The following ABR variants were observed in gnomAD, a reference collection of about 807,000 sequenced individuals.
The protein encoded by ABR is active breakpoint cluster region-related protein.
In ABR, 35 loss-of-function variants were observed where a neutral mutation model predicts 107.2. The ratio of observed to expected loss-of-function variants is 0.33; its 90% confidence interval spans 0.25 to 0.43. The LOEUF is 0.43. Ranked by LOEUF, ABR falls within the 20% of genes least tolerant of loss-of-function variation. ABR has a pLI of 1.00. For missense variants in ABR, 815 were observed against 1,115.2 expected (o/e 0.73, Z 3.83); for synonymous variants, 498 against 462.0 (o/e 1.08, Z -1.00).
intron 16 of ABR, among the ~76,000 whole-genome samples, chr17:1,044,775 C>G (rs1368906465): frequency 1.3e-5 from 2 of 152,182 alleles, no homozygotes; most frequent in African/African-American, 4.8e-5. Flanking sequence ...TTCCTGGGAC[C>G]CTCCCTTCAC....
At chr17:1,090,369 G>C (rs1316891234) in intron 4 of ABR, among the ~76,000 whole-genome samples, 1 of 152,038 alleles carries the variant, frequency 6.6e-6, no homozygotes. Context: ...CGAGGTTTCA[G>C]TGACTCTCTC....
intron 1 of ABR, among the ~76,000 whole-genome samples, chr17:1,146,724 A>C (rs922374219): frequency 7.0e-6 from 1 of 143,268 alleles, no homozygotes; most frequent in African/African-American, 2.7e-5. Context: ...CACTACTGCC[A>C]CCATTGCCAC....
At chr17:1,143,246 A>G (rs367814298) in intron 1 of ABR, among the ~76,000 whole-genome samples, 765 of 12,910 alleles carry the variant, frequency 0.059, 235 homozygotes, top group Non-Finnish European at 0.089. Flanking sequence ...CTCCTGGGGG[A>G]CAGCTCATTC....
chr17:1,180,874 C>T (rs561557730), upstream of ABR, among the ~76,000 whole-genome samples: 3 of 152,290 alleles, frequency 2.0e-5, no homozygotes, highest in Non-Finnish European at 2.9e-5. Context: ...CCTCTTTGGG[C>T]CAAGCGACCC....
At chr17:1,044,202 G>A (rs1597511219) in intron 16 of ABR, among the ~76,000 whole-genome samples, 1 of 152,134 alleles carries the variant, frequency 6.6e-6, no homozygotes, top group Non-Finnish European at 1.5e-5. Flanking sequence ...CCGGTGGAGG[G>A]GGGGCTCCCA....
At chr17:1,106,576 C>A (rs2038266496) in intron 2 of ABR, among the ~76,000 whole-genome samples, 1 of 136,078 alleles carries the variant, frequency 7.3e-6, no homozygotes, top group Non-Finnish European at 1.5e-5. Context: ...GTCGCCCAGG[C>A]TGGAATGCAG....
intron 5 of ABR, 71 bp from the exon 6 acceptor site, chr17:1,079,461 G>A: frequency 7.1e-7 from 1 of 1,406,118 alleles, no homozygotes; most frequent in Non-Finnish European, 9.9e-7. Flanking sequence ...TGTGAGCCTG[G>A]CAAGAAGGGG....
At chr17:1,025,594 C>T (rs1325012342) in intron 16 of ABR, among the ~76,000 whole-genome samples, 3 of 152,192 alleles carry the variant, frequency 2.0e-5, no homozygotes, top group Admixed American at 1.3e-4. Context: ...ACACCTGCCT[C>T]GGGGTGTGGA....
chr17:1,057,667 GTGTGTGTGTGTGTGTGTC>G (rs2033484183), intron 12 of ABR, among the ~76,000 whole-genome samples: 1 of 17,284 alleles, frequency 5.8e-5, no homozygotes, highest in Admixed American at 4.8e-4. Flanking sequence ...ATGTGTGTGT[GTGTGTGTGTGTGTGTGTC>G]TCTGTGTGTG....
At chr17:1,038,614 C>CAG (rs1365117834) in intron 16 of ABR, among the ~76,000 whole-genome samples, 2 of 152,210 alleles carry the variant, frequency 1.3e-5, no homozygotes, top group East Asian at 3.9e-4. Flanking sequence ...CTACAGGCTA[C>CAG]ACTGGGGCTT....
Position 1,011,772 on chromosome 17 carries a change from CG to C in ABR, c.2101+73del. ...TCTCCAGGGAGGCTCCTGGTTCCCC[CG>C]AGCTCTCCTGTCCATCCCACCAGCC... On this transcript the variant is annotated intron_variant, in intron 19 of 22. Coordinates refer to ENST00000302538, the MANE Select transcript of ABR (RefSeq NM_021962.5). The surrounding 1 kb of genome is among the most constrained non-coding windows in gnomAD (Gnocchi z 4.8). The C allele has an allele frequency of 6.7e-7, 1 of 1,484,528 alleles. No homozygotes were observed. Among genetic ancestry groups the C allele is most frequent in the Non-Finnish European group, 9.0e-7 (1 of 1,114,546 alleles). The allele number at this position is 1,484,528 out of a possible 1,614,324, so 92.0% of individuals were successfully genotyped here.
In ABR at chr17:1,101,955, G is replaced by A. The variant is rs192047086; in HGVS notation, c.247-1220C>T. Among the ~76,000 whole-genome samples the A allele has an allele frequency of 1.3e-3, 197 of 152,084 alleles. 4 individuals are homozygous for A. The East Asian group carries it at 0.026, about 20-fold the overall frequency. On this transcript the variant is annotated intron_variant, in intron 2 of 22. Coordinates refer to ENST00000302538, the MANE Select transcript of ABR (RefSeq NM_021962.5). The stretch of plus-strand genomic sequence containing the variant: ...TCACCGTGTTAGCCAGGATGGTCTC[G>A]ATCTCCTGACCTCGTGATCCGCCCG...
At chr17:1,113,977 G>C (rs1390665556) in intron 2 of ABR, among the ~76,000 whole-genome samples, 2 of 151,974 alleles carry the variant, frequency 1.3e-5, no homozygotes, top group Non-Finnish European at 2.9e-5. Context: ...AGACCAGCTG[G>C]GCAACATGGC....
At chr17:1,098,757 G>A (rs1189284632) in intron 3 of ABR, among the ~76,000 whole-genome samples, 2 of 152,172 alleles carry the variant, frequency 1.3e-5, no homozygotes, top group African/African-American at 4.8e-5. Context: ...ATAAACTCCT[G>A]GAGAGATGGG....
At chr17:1,213,556 AT>A (rs1409611266) in intron 1 of ABR, among the ~76,000 whole-genome samples, 2 of 151,694 alleles carry the variant, frequency 1.3e-5, no homozygotes, top group African/African-American at 4.8e-5. Flanking sequence ...TGCCCGGCTA[AT>A]TTTTGTATTT....
intron 16 of ABR, among the ~76,000 whole-genome samples, chr17:1,022,713 G>A (rs978319050): frequency 6.6e-6 from 1 of 152,198 alleles, no homozygotes; most frequent in Non-Finnish European, 1.5e-5. Context: ...CCCTCACCCT[G>A]CAGGGTCAGC....
rs34146750 is a variant in ABR, at chr17:1,078,104, G to GGTGT, written c.700+1222_700+1225dup. Among the ~76,000 whole-genome samples, 3,407 of 148,468 alleles carry GGTGT rather than the reference G, an allele frequency of 0.023. 79 individuals are homozygous for GGTGT. The highest frequency in any genetic ancestry group is 0.061 in the African/African-American group (2,482 of 40,658). On this transcript the variant is annotated intron_variant, in intron 6 of 22. Coordinates refer to ENST00000302538, the MANE Select transcript of ABR (RefSeq NM_021962.5). This position sits in a 1 kb window ranked among gnomAD's most constrained non-coding sequence, Gnocchi z 7.5. ...GTCCGGGTCCCTTCCACCGAAAGGT[G>GGTGT]GTGTGTGTGTGTGTGTGTGTGTGTG... is the stretch of plus-strand genomic sequence containing the variant.
At position 1,050,602 on chromosome 17, in the gene ABR, C is replaced by T. The variant is rs1256042037; in HGVS notation, c.1594G>A (p.Gly532Ser). Residue 532 changes from glycine to serine, a missense_variant, in exon 15 of 23, where the codon GGC becomes AGC. Gly to Ser is a moderately conservative substitution (Grantham distance 56). Transcript: ENST00000302538. The surrounding 1 kb of genome is among the most constrained non-coding windows in gnomAD (Gnocchi z 4.6). ...GTTTTGGCTTTGCTGACAAAATAGC[C>T]GAAGGAATCCACCTCCAGGGTACAG... ...LYCTLEVDSFGYFVSKAKTRV... is the reference protein window; with the variant it reads ...LYCTLEVDSFSYFVSKAKTRV... 14 of 1,613,926 alleles carry T rather than the reference C, an allele frequency of 8.7e-6. No homozygotes were observed. The highest frequency in any genetic ancestry group is 2.2e-5 in the South Asian group (2 of 91,078).
At chr17:1,215,861 A>G (rs957622416) in intron 1 of ABR, among the ~76,000 whole-genome samples, 1 of 147,906 alleles carries the variant, frequency 6.8e-6, no homozygotes, top group Non-Finnish European at 1.5e-5. Flanking sequence ...GATCCTGTTG[A>G]TCTGTGACCT....
Sources: allele counts gnomAD v4.1 joint callset (sites outside exome capture counted in the v4.1 genomes callset), GRCh38; gene constraint gnomAD v4.1.1; non-coding constraint Gnocchi (gnomAD v3.1); transcripts MANE v1.5; gene names NCBI Gene and HGNC (gene_info 2026-07-23, HGNC 2026-07-21).